B3GALT5: variants seen among roughly 807,000 people sequenced by gnomAD.
B3GALT5 encodes UDP-Gal:betaGlcNAc beta 1,3-galactosyltransferase, polypeptide 5.
For synonymous variants in B3GALT5, 156 were observed against 158.6 expected (o/e 0.98, Z 0.12); for missense variants, 328 against 396.6 (o/e 0.83, Z 1.47).
At chr21:39,655,818 A>T (rs904949833) in intron 2 of B3GALT5, among the ~76,000 whole-genome samples, 14 of 152,110 alleles carry the variant, frequency 9.2e-5, no homozygotes, top group Non-Finnish European at 1.8e-4. Flanking sequence ...CATGTGTGAC[A>T]CGGGAGTTTA....
intron 1 of B3GALT5, among the ~76,000 whole-genome samples, chr21:39,641,148 T>A (rs2079286790): frequency 6.6e-6 from 1 of 152,206 alleles, no homozygotes; most frequent in South Asian, 2.1e-4. Flanking sequence ...AAAAAGTAGT[T>A]TGCCATTTGT....
At chr21:39,639,466 C>CTCTCTCTCTCTCTTTCTTTCTTTCTT (rs2079271645) in intron 1 of B3GALT5, among the ~76,000 whole-genome samples, 1 of 95,154 alleles carries the variant, frequency 1.1e-5, no homozygotes, top group Non-Finnish European at 2.2e-5. Flanking sequence ...TTTTCTTTCT[C>CTCTCTCTCTCTCTTTCTTTCTTTCTT]TCTCTCTCTC....
Position 39,660,753 on chromosome 21 carries a change from C to T in B3GALT5, c.194C>T (p.Ser65Leu). ...TPPFLVLLVT[S>L]SHKQLAERMA... ...CCCTTCCTCGTCCTGCTGGTGACCT[C>T]ATCCCACAAACAGTTGGCTGAGCGC... is the stretch of plus-strand genomic sequence containing the variant. The change falls in exon 4 of 4, where the codon TCA (serine) becomes TTA (leucine). Residue 65 changes from serine to leucine, a missense_variant. Transcript: ENST00000684187. 1 of 1,550,262 alleles carries T rather than the reference C, an allele frequency of 6.5e-7. No homozygotes were observed. Among genetic ancestry groups the T allele is most frequent in the East Asian group, 2.3e-5 (1 of 44,280 alleles).
At chr21:39,659,943 G>A (rs767462874) in intron 3 of B3GALT5, 31 bp downstream of exon 3, 19 of 980,454 alleles carry the variant, frequency 1.9e-5, no homozygotes, top group Non-Finnish European at 2.1e-5. Context: ...ATGTTATAAC[G>A]TTACCATGGA....
intron 1 of B3GALT5, chr21:39,630,487 T>C (rs1029937544): frequency 6.6e-6 from 1 of 152,194 alleles, no homozygotes; most frequent in African/African-American, 2.4e-5. Flanking sequence ...AATCAGTGAC[T>C]TGGGTGAGTG....
At chr21:39,652,987 G>A (rs1006752210) in intron 2 of B3GALT5, among the ~76,000 whole-genome samples, 1 of 152,116 alleles carries the variant, frequency 6.6e-6, no homozygotes, top group African/African-American at 2.4e-5. Context: ...ATAGTGAAGT[G>A]TGCAAATCTT....
At chr21:39,646,836 C>T (rs2079344775) in intron 2 of B3GALT5, among the ~76,000 whole-genome samples, 1 of 152,130 alleles carries the variant, frequency 6.6e-6, no homozygotes, top group South Asian at 2.1e-4. Context: ...TGCAGTGGCT[C>T]ATGGCTCTAT....
intron 1 of B3GALT5, among the ~76,000 whole-genome samples, chr21:39,623,708 C>T (rs1466129196): frequency 6.6e-6 from 1 of 152,092 alleles, no homozygotes; most frequent in African/African-American, 2.4e-5. Flanking sequence ...ATTTGCCTTT[C>T]TCCACATTAG....
intron 1 of B3GALT5, among the ~76,000 whole-genome samples, chr21:39,633,442 C>G (rs78279552): frequency 5.6e-4 from 85 of 152,274 alleles, no homozygotes; most frequent in African/African-American, 2.0e-3. Context: ...AGTCCTGAAC[C>G]ACCATCTGGG....
intron 2 of B3GALT5, among the ~76,000 whole-genome samples, chr21:39,647,539 T>C (rs2079352930): frequency 9.2e-6 from 1 of 109,112 alleles, no homozygotes; most frequent in Non-Finnish European, 2.0e-5. Context: ...GGGTTTCACC[T>C]TGCTGGCCAC....
intron 1 of B3GALT5, among the ~76,000 whole-genome samples, chr21:39,638,712 G>A (rs886677395): frequency 2.0e-5 from 3 of 152,226 alleles, no homozygotes; most frequent in African/African-American, 4.8e-5. Flanking sequence ...TGGAACACAC[G>A]CCCACTGGGG....
intron 1 of B3GALT5, among the ~76,000 whole-genome samples, chr21:39,638,172 C>G (rs770289296): frequency 1.6e-4 from 25 of 152,130 alleles, no homozygotes; most frequent in Non-Finnish European, 2.9e-4. Flanking sequence ...CCTGTGCCCA[C>G]GAACCTAGGT....
intron 1 of B3GALT5, among the ~76,000 whole-genome samples, chr21:39,620,542 A>C (rs1032348613): frequency 9.2e-5 from 14 of 152,168 alleles, no homozygotes; most frequent in Admixed American, 9.2e-4. Flanking sequence ...TGCTTCTCCC[A>C]CCTCTTGAAG....
chr21:39,649,740 G>A (rs377748073), intron 2 of B3GALT5, among the ~76,000 whole-genome samples: 101 of 152,264 alleles, frequency 6.6e-4, no homozygotes, highest in African/African-American at 2.4e-3. Context: ...ACGAGGAACC[G>A]ATCAGATAGT....
At position 39,665,362 on chromosome 21, in the gene B3GALT5, C is replaced by G. The variant is rs2079569613; in HGVS notation, c.*3870C>G. Reference sequence around the variant, plus strand: ...GACCCTCCCTCAGCTTCCATTATTGCATCCTTTGGTCTCTTCCCAGCAGCA... The same window carrying G: ...GACCCTCCCTCAGCTTCCATTATTGGATCCTTTGGTCTCTTCCCAGCAGCA... On this transcript the variant is annotated 3_prime_UTR_variant, in exon 4 of 4. Transcript: ENST00000684187. The G allele has an allele frequency of 6.6e-6, 1 of 152,362 alleles. No individual in the cohort carries two copies. The highest frequency in any genetic ancestry group is 6.5e-5 in the Admixed American group (1 of 15,278). 9.4% of individuals were successfully genotyped at this position (152,362 alleles called of 1,614,324 possible). A position where few individuals can be genotyped will look rare whatever the true frequency, so the allele number is the denominator to read the frequency against.
In B3GALT5 at chr21:39,663,646, C is replaced by T. The variant is rs933647760; in HGVS notation, c.*2154C>T. ...GTATTTCTTTATACAATGAATAATT[C>T]TTTTTCTTGAGGAAAAAACATTATT... On this transcript the variant is annotated 3_prime_UTR_variant, in exon 4 of 4. Transcript: ENST00000684187. 2.0e-5 allele frequency: 3 copies of T among 152,106 alleles called. No homozygotes were observed. The highest frequency in any genetic ancestry group is 6.5e-5 in the Admixed American group (1 of 15,272). 9.4% of individuals were successfully genotyped at this position (152,106 alleles called of 1,614,324 possible).
chr21:39,641,391 GAT>G (rs2079288800), intron 1 of B3GALT5, among the ~76,000 whole-genome samples: 1 of 151,742 alleles, frequency 6.6e-6, no homozygotes, highest in South Asian at 2.1e-4. Flanking sequence ...GCTGAAATGT[GAT>G]ATGAAATTGA....
intron 1 of B3GALT5, among the ~76,000 whole-genome samples, chr21:39,623,174 T>C (rs2079143309): frequency 7.4e-6 from 1 of 135,426 alleles, no homozygotes; most frequent in Non-Finnish European, 1.6e-5. Flanking sequence ...TCTCTCTCTC[T>C]CTCTTTTCCA....
intron 3 of B3GALT5, among the ~76,000 whole-genome samples, chr21:39,660,179 C>T (rs756211868): frequency 5.3e-5 from 8 of 152,180 alleles, no homozygotes; most frequent in Admixed American, 2.6e-4. Context: ...ATCTACAATG[C>T]GTGGTTTCCA....
Sources: gnomAD v4.1 joint callset for allele counts (sites outside exome capture counted in the v4.1 genomes callset) on GRCh38, gnomAD v4.1.1 for gene constraint, MANE v1.5 for transcripts, NCBI Gene and HGNC (gene_info 2026-07-23, HGNC 2026-07-21) for gene names.